Variants in PVT1 observed in about 807,000 individuals in gnomAD.
PVT1 encodes CXCR4/PVT1 fusion.
chr8:127,829,568 C>A (rs1326179628), intron 2 of PVT1, among the ~76,000 whole-genome samples: 1 of 152,120 alleles, frequency 6.6e-6, no homozygotes, highest in African/African-American at 2.4e-5. Flanking sequence ...GCTGCTCAGC[C>A]CAATGTAAAG....
At chr8:127,969,079 G>A (rs116874438) in intron 3 of PVT1, among the ~76,000 whole-genome samples, 2 of 152,210 alleles carry the variant, frequency 1.3e-5, no homozygotes, top group East Asian at 1.9e-4. Flanking sequence ...AATACAGAAG[G>A]GAATCTCATC....
chr8:127,885,114 C>G (rs1021718436), intron 2 of PVT1, among the ~76,000 whole-genome samples: 17 of 151,828 alleles, frequency 1.1e-4, no homozygotes, highest in Admixed American at 9.2e-4. Context: ...CCAGTCCTGA[C>G]ATTCAGGAGC....
At chr8:127,935,851 T>G (rs564419567) in intron 3 of PVT1, among the ~76,000 whole-genome samples, 12 of 151,930 alleles carry the variant, frequency 7.9e-5, no homozygotes, top group Non-Finnish European at 1.3e-4. Context: ...ACCATCCTGG[T>G]TAGGGTGGAT....
chr8:127,853,970 C>T (rs754662134), intron 2 of PVT1, among the ~76,000 whole-genome samples: 7 of 152,118 alleles, frequency 4.6e-5, no homozygotes, highest in Non-Finnish European at 8.8e-5. Context: ...CCTTTCTGTA[C>T]GGCGTTTTCT....
intron 3 of PVT1, among the ~76,000 whole-genome samples, chr8:127,895,508 C>G (rs1008957374): frequency 1.3e-5 from 2 of 151,968 alleles, no homozygotes; most frequent in African/African-American, 2.4e-5. Flanking sequence ...ATAATATTAC[C>G]TACCCCATGA....
chr8:128,068,493 G>A (rs1335946793), intron 4 of PVT1, among the ~76,000 whole-genome samples: 1 of 152,086 alleles, frequency 6.6e-6, no homozygotes, highest in Non-Finnish European at 1.5e-5. Flanking sequence ...AATAGGTTTT[G>A]TGTTTTTTGT....
At chr8:127,822,037 C>G (rs1482199821) in intron 2 of PVT1, among the ~76,000 whole-genome samples, 3 of 152,160 alleles carry the variant, frequency 2.0e-5, no homozygotes, top group African/African-American at 4.8e-5. Flanking sequence ...ATTGTTTAAA[C>G]TCTCAGAGCT....
chr8:127,833,046 A>G (rs1295809709), intron 2 of PVT1, among the ~76,000 whole-genome samples: 1 of 152,146 alleles, frequency 6.6e-6, no homozygotes, highest in African/African-American at 2.4e-5. Flanking sequence ...CCCCAGATAT[A>G]TAGGAGGGGA....
At chr8:128,041,267 TGC>T (rs1813533041) in intron 4 of PVT1, among the ~76,000 whole-genome samples, 1 of 149,810 alleles carries the variant, frequency 6.7e-6, no homozygotes, top group African/African-American at 2.5e-5. Flanking sequence ...TGCATGTGTG[TGC>T]ATCTGTGTGT....
At chr8:127,992,877 G>A (rs768058985) in intron 4 of PVT1, among the ~76,000 whole-genome samples, 1 of 152,166 alleles carries the variant, frequency 6.6e-6, no homozygotes, top group Non-Finnish European at 1.5e-5. Context: ...TGGTGACACC[G>A]CATCAGCAGG....
chr8:127,958,413 G>A (rs1161369607), intron 3 of PVT1, among the ~76,000 whole-genome samples: 1 of 152,000 alleles, frequency 6.6e-6, no homozygotes, highest in East Asian at 1.9e-4. Flanking sequence ...TTAATTTTTT[G>A]TATTTTATTG....
At chr8:128,059,175 G>A (rs187379899) in intron 4 of PVT1, among the ~76,000 whole-genome samples, 4 of 152,230 alleles carry the variant, frequency 2.6e-5, no homozygotes, top group South Asian at 2.1e-4. Context: ...TTCTTTTCTC[G>A]CCTGAGTCCT....
At chr8:128,089,247 C>T (rs1011398726) in intron 5 of PVT1, among the ~76,000 whole-genome samples, 1 of 152,108 alleles carries the variant, frequency 6.6e-6, no homozygotes, top group African/African-American at 2.4e-5. Flanking sequence ...TTTGGAAGTC[C>T]AAGATCAAGG....
rs1293036762 is a variant in PVT1 at position 127,997,044 on chromosome 8, GT to G, written n.912+7765del. Among the ~76,000 whole-genome samples the G allele has an allele frequency of 6.0e-4, 49 of 81,572 alleles. 2 individuals carry two copies. Among genetic ancestry groups the G allele is most frequent in the African/African-American group, 1.7e-3 (34 of 19,868 alleles). 53.5% of individuals were successfully genotyped at this position (81,572 alleles called of 152,430 possible). On this transcript the variant is annotated intron_variant and non_coding_transcript_variant, in intron 4 of 10. Coordinates refer to ENST00000651587, the Ensembl canonical transcript of PVT1. The stretch of plus-strand genomic sequence containing the variant: ...GAACATTCACTGGTCATTTGCTTTC[GT>G]TTTTTTTTTTTGTTTGTTTGTTTTT...
chr8:128,023,570 C>G (rs1236764039), intron 4 of PVT1, among the ~76,000 whole-genome samples: 1 of 152,146 alleles, frequency 6.6e-6, no homozygotes, highest in Non-Finnish European at 1.5e-5. Context: ...ACATGCATTG[C>G]CTGATACATC....
intron 2 of PVT1, among the ~76,000 whole-genome samples, chr8:127,870,913 G>A (rs897561657): frequency 6.6e-6 from 1 of 152,158 alleles, no homozygotes; most frequent in African/African-American, 2.4e-5. Context: ...TGAATATGCC[G>A]TGTGTCCTAT....
intron 2 of PVT1, among the ~76,000 whole-genome samples, chr8:127,821,272 C>A (rs539130640): frequency 1.5e-4 from 23 of 152,184 alleles, no homozygotes; most frequent in African/African-American, 5.5e-4. Flanking sequence ...CCGCTAGCCA[C>A]TAGCCGCATG....
chr8:127,904,462 T>TG (rs1333571572), intron 3 of PVT1, among the ~76,000 whole-genome samples: 22 of 149,048 alleles, frequency 1.5e-4, no homozygotes, highest in African/African-American at 5.5e-4. Flanking sequence ...TTTACAGTGA[T>TG]GAAGATGATG....
chr8:127,874,939 T>A (rs1815389509), intron 2 of PVT1, among the ~76,000 whole-genome samples: 1 of 150,416 alleles, frequency 6.6e-6, no homozygotes, highest in Non-Finnish European at 1.5e-5. Flanking sequence ...TGTGTGTGGG[T>A]GTGTGGCCCT....
Sources: allele counts gnomAD v4.1 joint callset (sites outside exome capture counted in the v4.1 genomes callset), GRCh38; gene constraint gnomAD v4.1.1; transcripts MANE v1.5; gene names NCBI Gene and HGNC (gene_info 2026-07-23, HGNC 2026-07-21).